CFAP299: variants seen among roughly 807,000 people sequenced by gnomAD.
CFAP299 encodes the protein cilia- and flagella-associated protein 299.
A neutral mutation model predicts 27.0 loss-of-function variants in CFAP299; 21 were observed. That is an observed-to-expected ratio of 0.78 (90% CI 0.55 to 1.12). CFAP299 has a LOEUF of 1.12. Among genes scored for constraint, CFAP299 ranks in the 50% most tolerant of loss-of-function variants. CFAP299 has a pLI of 0.00. For missense variants in CFAP299, 310 were observed against 276.6 expected (o/e 1.12, Z -0.86); for synonymous variants, 104 against 98.1 (o/e 1.06, Z -0.36).
chr4:80,592,217 A>C (rs1431641698), intron 3 of CFAP299, among the ~76,000 whole-genome samples: 2 of 152,242 alleles, frequency 1.3e-5, no homozygotes, highest in Non-Finnish European at 2.9e-5. Context: ...TTTACCTTTT[A>C]AAACATTTGT....
At position 80,768,249 on chromosome 4, in the gene CFAP299, G is replaced by A. The variant is rs184895500; in HGVS notation, c.334-101744G>A. Among the ~76,000 whole-genome samples, 9 of 152,184 alleles carry A rather than the reference G, an allele frequency of 5.9e-5. No individual in the cohort carries two copies. In the East Asian group the frequency reaches 9.6e-4, roughly 16 times the overall value. On this transcript the variant is annotated intron_variant, in intron 3 of 5. Transcript: ENST00000358105. Reference sequence around the variant, plus strand: ...ATTTCACAGATGTTCTCAAGAAGTCGCATGTTACACCTCAGAATTAGGATG... The same window carrying A: ...ATTTCACAGATGTTCTCAAGAAGTCACATGTTACACCTCAGAATTAGGATG...
intron 2 of CFAP299, among the ~76,000 whole-genome samples, chr4:80,572,797 G>A (rs1053751965): frequency 2.0e-5 from 3 of 151,834 alleles, no homozygotes; most frequent in Admixed American, 6.6e-5. Flanking sequence ...AATTACAGGC[G>A]TGAGCCATCA....
chr4:80,489,324 C>A (rs1359353751), intron 2 of CFAP299, among the ~76,000 whole-genome samples: 1 of 152,106 alleles, frequency 6.6e-6, no homozygotes, highest in African/African-American at 2.4e-5. Context: ...TCTTGGTAAG[C>A]CCTAAAGTTG....
intron 2 of CFAP299, among the ~76,000 whole-genome samples, chr4:80,406,216 G>A (rs572627098): frequency 1.3e-5 from 2 of 152,220 alleles, no homozygotes; most frequent in Non-Finnish European, 2.9e-5. Context: ...AGTATGTGAT[G>A]GACTTTATAC....
At chr4:80,645,295 G>A (rs1406531911) in intron 3 of CFAP299, among the ~76,000 whole-genome samples, 1 of 152,080 alleles carries the variant, frequency 6.6e-6, no homozygotes, top group African/African-American at 2.4e-5. Context: ...GTATAGAGTT[G>A]CAGTTGAGAA....
rs932959623 is a variant in CFAP299 at position 80,559,574 on chromosome 4, G to A, written c.243-23519G>A. The stretch of plus-strand genomic sequence containing the variant: ...TTATATCACTAAAAGAGGCATTGAA[G>A]AGATAGAAAACACAGTCCTGAGTGG... On this transcript the variant is annotated intron_variant, in intron 2 of 5. Transcript: ENST00000358105. 5.9e-5 allele frequency among the ~76,000 whole-genome samples: 9 copies of A among 152,276 alleles called. No homozygotes were observed. In the East Asian group the frequency reaches 1.7e-3, roughly 29 times the overall value.
chr4:80,752,267 T>C lies in CFAP299; in HGVS notation c.334-117726T>C, dbSNP rs1029532294. Among the ~76,000 whole-genome samples, 3 of 152,090 alleles carry C rather than the reference T, an allele frequency of 2.0e-5. No homozygotes were observed. In the East Asian group the frequency reaches 5.8e-4, roughly 29 times the overall value. On this transcript the variant is annotated intron_variant, in intron 3 of 5. Transcript: ENST00000358105. ...CAATGCAAGAACCTAGGTATTTCAG[T>C]TGAAGGTGCTGAATTCACTTGCCCC...
intron 2 of CFAP299, among the ~76,000 whole-genome samples, chr4:80,528,439 G>A (rs1733300810): frequency 6.6e-6 from 1 of 152,070 alleles, no homozygotes; most frequent in South Asian, 2.1e-4. Flanking sequence ...AGGCATCAGG[G>A]AAAGATGGCT....
Position 80,541,858 on chromosome 4 carries a change from G to A in CFAP299, c.243-41235G>A, listed in dbSNP as rs1297999669. ...TAAAATAATGTTGTAGGAGTTTCAA[G>A]TTGTTTACCTATTACCATAGTACTA... On this transcript the variant is annotated intron_variant, in intron 2 of 5. Coordinates refer to ENST00000358105, the MANE Select transcript of CFAP299 (RefSeq NM_152770.3). 2.0e-5 allele frequency among the ~76,000 whole-genome samples: 3 copies of A among 151,998 alleles called. 1 individual carries two copies. Among genetic ancestry groups the A allele is most frequent in the Admixed American group, 1.3e-4 (2 of 15,260 alleles).
intron 3 of CFAP299, among the ~76,000 whole-genome samples, chr4:80,768,913 A>G (rs1221721911): frequency 1.8e-4 from 27 of 152,192 alleles, no homozygotes; most frequent in African/African-American, 2.4e-5. Context: ...AATTAATAGC[A>G]TATGCTATGA....
intron 5 of CFAP299, among the ~76,000 whole-genome samples, chr4:80,950,787 C>T (rs1737738294): frequency 6.6e-6 from 1 of 152,118 alleles, no homozygotes; most frequent in Non-Finnish European, 1.5e-5. Flanking sequence ...AAGGCTTAGG[C>T]ATTGGTACTT....
intron 2 of CFAP299, chr4:80,387,465 G>T: frequency 2.4e-6 from 2 of 826,250 alleles, no homozygotes; most frequent in South Asian, 1.5e-5. Context: ...TTGGGTTTCC[G>T]GCTTGCCCCT....
At chr4:80,547,595 G>C (rs376407650) in intron 2 of CFAP299, among the ~76,000 whole-genome samples, 1 of 151,992 alleles carries the variant, frequency 6.6e-6, no homozygotes. Flanking sequence ...GACAGCCTAC[G>C]GAATGAGAGA....
At chr4:80,896,934 A>G (rs1247144547) in intron 4 of CFAP299, among the ~76,000 whole-genome samples, 1 of 152,180 alleles carries the variant, frequency 6.6e-6, no homozygotes, top group Non-Finnish European at 1.5e-5. Flanking sequence ...TGATTAATCA[A>G]TCATTTGAGG....
Position 80,696,862 on chromosome 4 carries a change from A to C in CFAP299, c.333+113679A>C, listed in dbSNP as rs189791774. On this transcript the variant is annotated intron_variant, in intron 3 of 5. Coordinates refer to ENST00000358105, the MANE Select transcript of CFAP299 (RefSeq NM_152770.3). ...AGTGATGCATGCTGGGAAGAATAGG[A>C]TGAAATGAAGTTGGGGAAGTAGCCA... Among the ~76,000 whole-genome samples, 771 of 152,312 alleles carry C rather than the reference A, an allele frequency of 5.1e-3. 5 individuals carry two copies. The highest frequency in any genetic ancestry group is 0.02 in the Middle Eastern group (6 of 294).
chr4:80,887,187 C>T (rs185636814), intron 4 of CFAP299, among the ~76,000 whole-genome samples: 7 of 152,120 alleles, frequency 4.6e-5, no homozygotes, highest in Admixed American at 4.6e-4. Context: ...TATCAGAGAA[C>T]GTCCCAAACC....
intron 2 of CFAP299, among the ~76,000 whole-genome samples, chr4:80,526,215 G>C (rs374403872): frequency 6.6e-6 from 1 of 152,266 alleles, no homozygotes; most frequent in African/African-American, 2.4e-5. Context: ...AACTTGAGGT[G>C]AGATGGATCT....
intron 4 of CFAP299, among the ~76,000 whole-genome samples, chr4:80,917,624 A>T (rs1017964774): frequency 1.3e-5 from 2 of 152,148 alleles, no homozygotes; most frequent in Non-Finnish European, 2.9e-5. Context: ...ATTTTTCACT[A>T]GTCACCACCA....
At chr4:80,383,389 A>G (rs1330179090) in intron 2 of CFAP299, among the ~76,000 whole-genome samples, 2 of 152,202 alleles carry the variant, frequency 1.3e-5, no homozygotes, top group East Asian at 3.8e-4. Flanking sequence ...CACATAATTC[A>G]GTGTCCACCC....
Sources: gnomAD v4.1 joint callset for allele counts (sites outside exome capture counted in the v4.1 genomes callset) on GRCh38, gnomAD v4.1.1 for gene constraint, MANE v1.5 for transcripts, NCBI Gene and HGNC (gene_info 2026-07-23, HGNC 2026-07-21) for gene names.